COL28A1: variants seen among roughly 807,000 people sequenced by gnomAD.
The protein encoded by COL28A1 is collagen type XXVIII alpha 1 chain.
COL28A1 carries 161 observed loss-of-function variants against 150.2 expected under a neutral mutation model. The ratio of observed to expected loss-of-function variants is 1.07; its 90% CI spans 0.94 to 1.22. The LOEUF (loss-of-function observed/expected upper bound fraction) is 1.22, where lower values mean the gene tolerates loss of function less well. COL28A1 is among the 50% of genes most tolerant of loss of function. The pLI, the probability that COL28A1 is intolerant of heterozygous loss-of-function variation, is 0.00. For synonymous variants in COL28A1, 552 were observed against 469.7 expected (o/e 1.18, Z -2.26); for missense variants, 1,617 against 1,388.3 (o/e 1.16, Z -2.62).
intron 18 of COL28A1, among the ~76,000 whole-genome samples, chr7:7,447,068 G>A (rs1786319422): frequency 6.6e-6 from 1 of 152,032 alleles, no homozygotes; most frequent in Non-Finnish European, 1.5e-5. Flanking sequence ...CAATTCTGAG[G>A]GCATAAATTG....
chr7:7,434,826 G>T (rs1034023925), intron 23 of COL28A1, among the ~76,000 whole-genome samples: 2 of 152,168 alleles, frequency 1.3e-5, no homozygotes, highest in Non-Finnish European at 1.5e-5. Context: ...TCAAGGAAAT[G>T]TCCTACAAAG....
chr7:7,408,855 A>T (rs1783630690), intron 27 of COL28A1, among the ~76,000 whole-genome samples: 1 of 152,156 alleles, frequency 6.6e-6, no homozygotes, highest in South Asian at 2.1e-4. Flanking sequence ...TCAAGATGCA[A>T]ATTAAAATTT....
intron 9 of COL28A1, among the ~76,000 whole-genome samples, chr7:7,509,061 T>C (rs1050847546): frequency 6.6e-6 from 1 of 152,182 alleles, no homozygotes; most frequent in Non-Finnish European, 1.5e-5. Context: ...CTCAAACTCC[T>C]GACCTCTGAT....
chr7:7,436,538 T>A (rs573889786), intron 22 of COL28A1, 75 bp from the exon 23 acceptor site: 6 of 844,588 alleles, frequency 7.1e-6, no homozygotes, highest in Non-Finnish European at 1.2e-5. Flanking sequence ...AAAAAAACCA[T>A]TGGCCACTCT....
intron 27 of COL28A1, among the ~76,000 whole-genome samples, chr7:7,389,938 T>G (rs1340546412): frequency 6.6e-6 from 1 of 150,794 alleles, no homozygotes; most frequent in African/African-American, 2.4e-5. Flanking sequence ...ACGTCATCTG[T>G]AGGGACAATT....
At chr7:7,368,470 A>C (rs1448031816) in intron 33 of COL28A1, among the ~76,000 whole-genome samples, 1 of 151,298 alleles carries the variant, frequency 6.6e-6, no homozygotes, top group Non-Finnish European at 1.5e-5. Flanking sequence ...AACTTGACTC[A>C]ATGTCACCTC....
At chr7:7,370,605 G>T in intron 33 of COL28A1, 120 bp downstream of exon 33, 1 of 656,940 alleles carries the variant, frequency 1.5e-6, no homozygotes, top group African/African-American at 1.8e-5. Flanking sequence ...TTAGAGCCAA[G>T]GACCTAAAAA....
intron 13 of COL28A1, among the ~76,000 whole-genome samples, chr7:7,479,539 C>A (rs536827860): frequency 1.3e-5 from 2 of 152,306 alleles, no homozygotes; most frequent in South Asian, 4.1e-4. Flanking sequence ...GTGCTGTTTA[C>A]ATGTGTTTCA....
At chr7:7,543,849 C>T in the COL28A1 span, among the ~76,000 whole-genome samples, 1 of 147,306 alleles carries the variant, frequency 6.8e-6, no homozygotes, top group African/African-American at 2.4e-5. Flanking sequence ...AGCAGTTGAC[C>T]CTCACAAGGT....
chr7:7,362,220 G>A (rs1269829181), intron 33 of COL28A1, among the ~76,000 whole-genome samples: 1 of 150,904 alleles, frequency 6.6e-6, no homozygotes, highest in Non-Finnish European at 1.5e-5. Flanking sequence ...ATTACCAGGA[G>A]CTAGACAAAT....
At chr7:7,340,556 T>C in the COL28A1 span, among the ~76,000 whole-genome samples, 1 of 152,142 alleles carries the variant, frequency 6.6e-6, no homozygotes, top group African/African-American at 2.4e-5. Flanking sequence ...GATGCGGCCG[T>C]AGGCAATTAG....
chr7:7,451,400 A>G (rs1338364651), intron 18 of COL28A1, among the ~76,000 whole-genome samples: 1 of 151,894 alleles, frequency 6.6e-6, no homozygotes. Flanking sequence ...TAATTTTTGT[A>G]TTTTTAGTAG....
chr7:7,447,738 C>A (rs1220041157), intron 18 of COL28A1, among the ~76,000 whole-genome samples: 3 of 152,004 alleles, frequency 2.0e-5, no homozygotes, highest in Non-Finnish European at 1.5e-5. Context: ...TGATTAGTGT[C>A]ATGGAAGAAA....
chr7:7,543,609 T>C, the COL28A1 span, among the ~76,000 whole-genome samples: 1,945 of 152,242 alleles, frequency 0.013, 15 homozygotes, highest in South Asian at 0.019. Flanking sequence ...AACACAAATA[T>C]ATAGCAGCAT....
At chr7:7,485,528 T>A (rs991831754) in intron 13 of COL28A1, among the ~76,000 whole-genome samples, 3 of 152,168 alleles carry the variant, frequency 2.0e-5, no homozygotes, top group Admixed American at 6.5e-5. Flanking sequence ...GTCTAAGAAA[T>A]CTTCATCAAG....
At chr7:7,445,135 G>C (rs188023821) in intron 18 of COL28A1, among the ~76,000 whole-genome samples, 85 of 152,250 alleles carry the variant, frequency 5.6e-4, no homozygotes, top group Non-Finnish European at 8.7e-4. Flanking sequence ...TTCCTGTGCA[G>C]CCTGCAGAAC....
chr7:7,343,715 G>A, the COL28A1 span, among the ~76,000 whole-genome samples: 1 of 151,724 alleles, frequency 6.6e-6, no homozygotes, highest in Non-Finnish European at 1.5e-5. Flanking sequence ...TATATTTAAA[G>A]TGCATTTATG....
At chr7:7,381,339 G>A (rs1433309619) in intron 28 of COL28A1, among the ~76,000 whole-genome samples, 1 of 152,130 alleles carries the variant, frequency 6.6e-6, no homozygotes, top group African/African-American at 2.4e-5. Context: ...CCTACCTGAA[G>A]CTCTCAAAGA....
At chr7:7,464,423 C>T (rs113955311) in intron 15 of COL28A1, among the ~76,000 whole-genome samples, 2 of 152,164 alleles carry the variant, frequency 1.3e-5, no homozygotes, top group Non-Finnish European at 2.9e-5. Context: ...ACAAAACAAG[C>T]CTCAATAAGT....
Sources: gnomAD v4.1 joint callset for allele counts (sites outside exome capture counted in the v4.1 genomes callset) on GRCh38, gnomAD v4.1.1 for gene constraint, MANE v1.5 for transcripts, NCBI Gene and HGNC (gene_info 2026-07-23, HGNC 2026-07-21) for gene names.